The following LDAH variants were observed in gnomAD, a reference collection of about 807,000 sequenced individuals.
LDAH encodes lipid droplet-associated hydrolase.
In LDAH, 26 loss-of-function variants were observed where a neutral mutation model predicts 29.6. The ratio of observed to expected loss-of-function variants is 0.88; its 90% CI spans 0.64 to 1.22. The LOEUF is 1.22. Among genes scored for constraint, LDAH ranks in the 50% most tolerant of loss-of-function variants. The pLI, the probability that LDAH is intolerant of heterozygous loss-of-function variation, is 0.00. For missense variants in LDAH, 344 were observed against 387.3 expected, an observed-to-expected ratio of 0.89 and a Z score of 0.94; for synonymous variants, 117 against 133.0, an observed-to-expected ratio of 0.88 and a Z score of 0.83.
chr2:20,728,152 A>G (rs1292612022), intron 5 of LDAH, among the ~76,000 whole-genome samples: 1 of 152,242 alleles, frequency 6.6e-6, no homozygotes, highest in African/African-American at 2.4e-5. Flanking sequence ...AGGATTTATT[A>G]TCCACTGCTT....
At chr2:20,699,931 G>C (rs184213410) in intron 6 of LDAH, among the ~76,000 whole-genome samples, 1 of 152,304 alleles carries the variant, frequency 6.6e-6, no homozygotes, top group Admixed American at 6.5e-5. Context: ...GCTGAATCCA[G>C]AAATGATGAG....
At chr2:20,811,491 T>TG (rs1440582747) in intron 1 of LDAH, among the ~76,000 whole-genome samples, 1 of 151,670 alleles carries the variant, frequency 6.6e-6, no homozygotes, top group Non-Finnish European at 1.5e-5. Context: ...CTAGTTTTTT[T>TG]TTTTTGTTTT....
chr2:20,796,942 C>T (rs1671344101), intron 2 of LDAH, among the ~76,000 whole-genome samples: 1 of 152,078 alleles, frequency 6.6e-6, no homozygotes, highest in Non-Finnish European at 1.5e-5. Context: ...ATTTTAGTAA[C>T]CAATTTCACC....
At chr2:20,749,072 A>G (rs1247732471) in intron 4 of LDAH, among the ~76,000 whole-genome samples, 1 of 152,188 alleles carries the variant, frequency 6.6e-6, no homozygotes, top group Admixed American at 6.5e-5. Context: ...TATACTGAGT[A>G]CCTACAGTAT....
intron 4 of LDAH, among the ~76,000 whole-genome samples, chr2:20,774,360 TA>T (rs61142327): frequency 0.026 from 3,887 of 152,270 alleles, 159 homozygotes; most frequent in African/African-American, 0.088. Context: ...TATGAATTAA[TA>T]AAGATGTAGT....
intron 5 of LDAH, among the ~76,000 whole-genome samples, chr2:20,729,952 T>C (rs1572495004): frequency 1.3e-5 from 2 of 152,192 alleles, no homozygotes; most frequent in South Asian, 4.1e-4. Context: ...TGTGCCACCA[T>C]GCCTAGCTAA....
At chr2:20,758,586 T>C (rs569531487) in intron 4 of LDAH, among the ~76,000 whole-genome samples, 3 of 152,026 alleles carry the variant, frequency 2.0e-5, no homozygotes, top group Non-Finnish European at 4.4e-5. Flanking sequence ...CAAAGAAATA[T>C]GCAATGCCTA....
At chr2:20,714,713 T>G (rs1274739379) in intron 5 of LDAH, among the ~76,000 whole-genome samples, 1 of 151,922 alleles carries the variant, frequency 6.6e-6, no homozygotes, top group African/African-American at 2.4e-5. Flanking sequence ...ACCACCAATC[T>G]CACAGAAATA....
intron 5 of LDAH, among the ~76,000 whole-genome samples, chr2:20,714,792 T>C (rs559277574): frequency 7.2e-5 from 11 of 152,146 alleles, no homozygotes; most frequent in Admixed American, 1.3e-4. Context: ...AAGAAATGGA[T>C]AAATTCCTGG....
At chr2:20,687,810 G>A (rs1662677613) in intron 6 of LDAH, among the ~76,000 whole-genome samples, 2 of 152,188 alleles carry the variant, frequency 1.3e-5, no homozygotes, top group Admixed American at 1.3e-4. Context: ...CTGAAAAACT[G>A]CTATGTTCTA....
At chr2:20,771,026 G>A (rs1014146834) in intron 4 of LDAH, among the ~76,000 whole-genome samples, 1 of 152,058 alleles carries the variant, frequency 6.6e-6, no homozygotes, top group Non-Finnish European at 1.5e-5. Flanking sequence ...TTACCTATTT[G>A]CTCAAGTTTC....
chr2:20,709,187 T>C (rs1025722079), intron 5 of LDAH, among the ~76,000 whole-genome samples: 1 of 152,132 alleles, frequency 6.6e-6, no homozygotes, highest in African/African-American at 2.4e-5. Context: ...ATGCACAAAA[T>C]TAAAAATATT....
chr2:20,685,741 GC>G lies in LDAH; in HGVS notation c.*1161del. 1 of 1,472,462 alleles carries G rather than the reference GC, an allele frequency of 6.8e-7. No individual in the cohort carries two copies. Among genetic ancestry groups the G allele is most frequent in the South Asian group, 1.3e-5 (1 of 74,538 alleles). 91.2% of individuals were successfully genotyped at this position (1,472,462 alleles called of 1,614,324 possible). On this transcript the variant is annotated 3_prime_UTR_variant, in exon 7 of 7. Coordinates refer to ENST00000237822, the MANE Select transcript of LDAH (RefSeq NM_021925.4). ...TCAAGATTGAGTCAATTTAGGGGAG[GC>G]AGCAATATTGTCAGCCCACTCTAGG...
At chr2:20,738,253 A>AAATAACAATAAT (rs1326893906) in intron 5 of LDAH, among the ~76,000 whole-genome samples, 6 of 141,806 alleles carry the variant, frequency 4.2e-5, no homozygotes, top group African/African-American at 1.4e-4. Flanking sequence ...TTCCATCTCA[A>AAATAACAATAAT]AATAATAATA....
chr2:20,739,928 G>T, intron 5 of LDAH, 43 bp downstream of exon 5: 6 of 1,438,808 alleles, frequency 4.2e-6, no homozygotes, highest in Non-Finnish European at 5.8e-6. Flanking sequence ...TAAACATTTT[G>T]TGATACAAGA....
At position 20,790,296 on chromosome 2, in the gene LDAH, G is replaced by A. The variant is rs1187288247; in HGVS notation, c.257C>T (p.Ala86Val). The A allele has an allele frequency of 2.5e-6, 4 of 1,614,074 alleles. No individual in the cohort carries two copies. The highest frequency in any genetic ancestry group is 3.4e-6 in the Non-Finnish European group (4 of 1,179,930). Residue 86 changes from alanine to valine, a missense_variant, in exon 3 of 7, where the codon GCG (alanine) becomes GTG (valine). By Grantham distance (64) the Ala-to-Val change is moderately conservative (BLOSUM62 0). Coordinates refer to ENST00000237822, the MANE Select transcript of LDAH (RefSeq NM_021925.4). ...PVWTISHAGHALAPKDKKILT... is the reference protein window; with the variant it reads ...PVWTISHAGHVLAPKDKKILT... ...AATCTTCTTGTCTTTGGGAGCCAAC[G>A]CATGCCCAGCATGACTGATAGTCCA...
intron 5 of LDAH, among the ~76,000 whole-genome samples, chr2:20,723,838 A>G (rs974551292): frequency 1.3e-5 from 2 of 152,254 alleles, no homozygotes; most frequent in African/African-American, 4.8e-5. Context: ...GTCTAGTAGC[A>G]GTAGTAATGG....
intron 5 of LDAH, among the ~76,000 whole-genome samples, chr2:20,738,484 T>C (rs574429740): frequency 6.6e-6 from 1 of 152,170 alleles, no homozygotes; most frequent in South Asian, 2.1e-4. Context: ...ATAAACTTGC[T>C]TTTGCTTTGC....
At chr2:20,798,188 A>T (rs550790560) in intron 2 of LDAH, among the ~76,000 whole-genome samples, 2 of 152,306 alleles carry the variant, frequency 1.3e-5, no homozygotes, top group South Asian at 2.1e-4. Context: ...TCTTCTAAGG[A>T]AGCTACTAGA....
Sources: gnomAD v4.1 joint callset for allele counts (sites outside exome capture counted in the v4.1 genomes callset) on GRCh38, gnomAD v4.1.1 for gene constraint, MANE v1.5 for transcripts, NCBI Gene and HGNC (gene_info 2026-07-23, HGNC 2026-07-21) for gene names.